RYR2: variants seen among roughly 807,000 people sequenced by gnomAD.
The protein encoded by RYR2 is ryanodine receptor 2.
In RYR2, 227 loss-of-function variants were observed where a neutral mutation model predicts 601.1. The observed-to-expected ratio is 0.38, with a 90% CI of 0.34 to 0.42. The LOEUF is 0.42. Ranked by LOEUF, RYR2 falls within the 10% of genes least tolerant of loss-of-function variation. RYR2 has a pLI of 1.00. For missense variants in RYR2, 4,646 were observed against 6,156.5 expected, an observed-to-expected ratio of 0.75 and a Z score of 8.21; for synonymous variants, 2,223 against 2,175.1, an observed-to-expected ratio of 1.02 and a Z score of -0.61.
intron 1 of RYR2, among the ~76,000 whole-genome samples, chr1:237,254,728 C>T (rs184709000): frequency 3.3e-5 from 5 of 152,222 alleles, no homozygotes; most frequent in Admixed American, 6.5e-5. Context: ...AATATTTAAG[C>T]GTGGTATGAA....
At chr1:237,541,919 G>A (rs1351595333) in intron 25 of RYR2, among the ~76,000 whole-genome samples, 8 of 152,032 alleles carry the variant, frequency 5.3e-5, no homozygotes, top group Non-Finnish European at 1.0e-4. Flanking sequence ...GGCGGGGCAG[G>A]GCATTTTCAC....
At chr1:237,629,775 T>A (rs960444846) in intron 41 of RYR2, among the ~76,000 whole-genome samples, 1 of 152,182 alleles carries the variant, frequency 6.6e-6, no homozygotes, top group South Asian at 2.1e-4. Flanking sequence ...TTCATATCAT[T>A]TCTATACATT....
chr1:237,235,971 T>C (rs1685511245), intron 1 of RYR2, among the ~76,000 whole-genome samples: 1 of 152,226 alleles, frequency 6.6e-6, no homozygotes, highest in African/African-American at 2.4e-5. Flanking sequence ...GTGATAAGGA[T>C]TTTTCTCAAC....
rs371445192 is a variant in RYR2, at chr1:237,496,756, C to T, written c.2203+4C>T. 18 of 1,602,234 alleles carry T rather than the reference C, an allele frequency of 1.1e-5. No homozygotes were observed. The highest frequency in any genetic ancestry group is 9.4e-5 in the African/African-American group (7 of 74,648). On this transcript the variant is annotated splice_donor_region_variant and intron_variant, in intron 20 of 104. Coordinates refer to ENST00000366574, the MANE Select transcript of RYR2 (RefSeq NM_001035.3). ...GATGGCCTTCATCTCTGGTCAGGTA[C>T]GTACTATCCATTTTCTTTCACCGTG... is the stretch of plus-strand genomic sequence containing the variant.
rs188599913 is a variant in RYR2, at chr1:237,479,806, T to C, written c.1708+10619T>C. ...AGGGCACTGTGCTGACAGTGTCATA[T>C]GCATTACTCCACTGGATTTCCACAG... On this transcript the variant is annotated intron_variant, in intron 17 of 104. Transcript: ENST00000366574. 3.7e-4 allele frequency among the ~76,000 whole-genome samples: 56 copies of C among 152,330 alleles called. 2 individuals are homozygous for C. The Middle Eastern group carries it at 0.01, about 28-fold the overall frequency.
chr1:237,609,712 C>A (rs1468566754), intron 35 of RYR2, among the ~76,000 whole-genome samples: 1 of 152,044 alleles, frequency 6.6e-6, no homozygotes, highest in Non-Finnish European at 1.5e-5. Context: ...ATTCTGACAA[C>A]CCCATTTAAA....
intron 47 of RYR2, 21 bp from the exon 48 acceptor site, chr1:237,643,306 G>A: frequency 6.3e-7 from 1 of 1,580,864 alleles, no homozygotes; most frequent in Non-Finnish European, 8.6e-7. Flanking sequence ...TTGTTCTAAT[G>A]TTTTTTTTTC....
rs771864665 is a variant in RYR2 at position 237,590,817 on chromosome 1, G to A, written c.3985G>A (p.Gly1329Arg). The change falls in exon 31 of 105, where the codon GGG becomes AGG. Residue 1329 changes from glycine to arginine, a missense_variant. By Grantham distance (125) the Gly-to-Arg change is moderately radical. Coordinates refer to ENST00000366574, the MANE Select transcript of RYR2 (RefSeq NM_001035.3). ...AGGLPGAGLF[G>R]PKNDLEDYDA... ...AGGGCTCCCTGGGGCTGGCCTTTTT[G>A]GGCCCAAGAATGACTTGGAAGATTA... 15 of 1,613,668 alleles carry A rather than the reference G, an allele frequency of 9.3e-6. 1 individual carries two copies.
chr1:237,555,841 A>C (rs746877564), intron 27 of RYR2, among the ~76,000 whole-genome samples: 2 of 152,172 alleles, frequency 1.3e-5, no homozygotes, highest in African/African-American at 4.8e-5. Flanking sequence ...TCAAGGAAAG[A>C]GTTAATTATG....
intron 89 of RYR2, among the ~76,000 whole-genome samples, chr1:237,783,067 T>C (rs1402151901): frequency 6.6e-6 from 1 of 152,234 alleles, no homozygotes; most frequent in Non-Finnish European, 1.5e-5. Context: ...TTCTAACAAC[T>C]ATACACACTG....
At chr1:237,701,000 A>G (rs754110633) in intron 65 of RYR2, among the ~76,000 whole-genome samples, 4 of 152,208 alleles carry the variant, frequency 2.6e-5, no homozygotes, top group Non-Finnish European at 4.4e-5. Context: ...GGCATTCAGT[A>G]GTTAATAAAA....
intron 1 of RYR2, among the ~76,000 whole-genome samples, chr1:237,248,661 A>G (rs1037054568): frequency 2.0e-5 from 3 of 152,084 alleles, no homozygotes; most frequent in African/African-American, 7.2e-5. Context: ...ACAGGAAAAT[A>G]GAGTTGTGAC....
intron 16 of RYR2, among the ~76,000 whole-genome samples, chr1:237,464,459 G>A (rs1659837698): frequency 6.6e-6 from 1 of 151,826 alleles, no homozygotes; most frequent in African/African-American, 2.4e-5. Flanking sequence ...CACTGTGAAA[G>A]ATCATATTAC....
At chr1:237,089,509 A>C (rs541154808) in intron 1 of RYR2, among the ~76,000 whole-genome samples, 1 of 152,334 alleles carries the variant, frequency 6.6e-6, no homozygotes, top group South Asian at 2.1e-4. Flanking sequence ...ATTTTAAAGA[A>C]ATCAGACACT....
rs2056387 is a variant in RYR2 at position 237,760,812 on chromosome 1, C to T, written c.11403-143C>T. ...TGCCACTAAGAAAATACGGTTGGTA[C>T]GCAATGAATGGAGACATGTTTTCAG... On this transcript the variant is annotated intron_variant, in intron 83 of 104. Coordinates refer to ENST00000366574, the MANE Select transcript of RYR2 (RefSeq NM_001035.3). 2.3e-5 allele frequency: 13 copies of T among 559,288 alleles called. No individual in the cohort carries two copies. The Middle Eastern group carries it at 1.9e-3, about 80-fold the overall frequency. The allele number at this position is 559,288 out of a possible 1,614,324, so 34.6% of individuals were successfully genotyped here. A position where few individuals can be genotyped will look rare whatever the true frequency, so the allele number is the denominator to read the frequency against.
intron 58 of RYR2, 74 bp from the exon 59 acceptor site, chr1:237,674,022 A>G: frequency 8.2e-7 from 1 of 1,225,098 alleles, no homozygotes; most frequent in South Asian, 1.4e-5. Flanking sequence ...AGTGTGGTCC[A>G]ATTATATATC....
intron 1 of RYR2, among the ~76,000 whole-genome samples, chr1:237,127,362 T>A (rs867256378): frequency 3.4e-5 from 5 of 145,504 alleles, no homozygotes; most frequent in African/African-American, 1.3e-4. Context: ...TAGGGGCGGC[T>A]GGGCAGAGGC....
At chr1:237,797,341 TGAG>T (rs1240599328) in intron 96 of RYR2, among the ~76,000 whole-genome samples, 3 of 151,818 alleles carry the variant, frequency 2.0e-5, no homozygotes, top group Non-Finnish European at 4.4e-5. Flanking sequence ...CTAATTAAAA[TGAG>T]GATGGTGACA....
intron 1 of RYR2, among the ~76,000 whole-genome samples, chr1:237,094,942 G>A (rs1389015051): frequency 6.6e-6 from 1 of 152,108 alleles, no homozygotes; most frequent in Non-Finnish European, 1.5e-5. Flanking sequence ...TATATCAATT[G>A]CTTCCTGGAT....
Sources: gnomAD v4.1 joint callset for allele counts (sites outside exome capture counted in the v4.1 genomes callset) on GRCh38, gnomAD v4.1.1 for gene constraint, MANE v1.5 for transcripts, NCBI Gene and HGNC (gene_info 2026-07-23, HGNC 2026-07-21) for gene names.